The following ATP10B variants were observed in gnomAD, a reference collection of about 807,000 sequenced individuals.
ATP10B encodes ATPase phospholipid transporting 10B (putative).
ATP10B carries 122 observed loss-of-function variants against 141.2 expected under a neutral mutation model. That is an observed-to-expected ratio of 0.86 (90% CI 0.75 to 1.00). The LOEUF is 1.00. Among genes scored for constraint, ATP10B ranks in the 50% least tolerant of loss-of-function variants. The probability of loss-of-function intolerance (pLI) is 0.00; values close to 1 mark genes in which losing one functional copy is unlikely to be tolerated. For missense variants in ATP10B, 1,876 were observed against 1,825.3 expected, an observed-to-expected ratio of 1.03 and a Z score of -0.51; for synonymous variants, 685 against 692.0, an observed-to-expected ratio of 0.99 and a Z score of 0.16.
intron 10 of ATP10B, among the ~76,000 whole-genome samples, chr5:160,636,793 T>TACCCATCTACTCACCCGTCCATCC (rs1252730961): frequency 2.7e-5 from 4 of 149,210 alleles, no homozygotes; most frequent in African/African-American, 1.0e-4. Context: ...TCCATCCACC[T>TACCCATCTACTCACCCGTCCATCC]ACCCATCTAC....
chr5:160,650,995 T>C (rs986504086), intron 7 of ATP10B, among the ~76,000 whole-genome samples: 8 of 152,204 alleles, frequency 5.3e-5, no homozygotes, highest in Non-Finnish European at 1.0e-4. Context: ...TTTGTTTTGC[T>C]GTTATAAAAA....
At chr5:160,806,954 T>TGCAA (rs1354895805) in intron 1 of ATP10B, among the ~76,000 whole-genome samples, 2 of 152,032 alleles carry the variant, frequency 1.3e-5, no homozygotes, top group Non-Finnish European at 2.9e-5. Flanking sequence ...GTCAACAGAG[T>TGCAA]GCAAATGAAA....
intron 3 of ATP10B, among the ~76,000 whole-genome samples, chr5:160,692,273 T>G (rs892194108): frequency 6.6e-6 from 1 of 152,212 alleles, no homozygotes; most frequent in South Asian, 2.1e-4. Flanking sequence ...AATATTTATA[T>G]AGTTTCAAAG....
intron 2 of ATP10B, among the ~76,000 whole-genome samples, chr5:160,775,698 T>TTTTTA: frequency 6.7e-6 from 1 of 149,462 alleles, no homozygotes. Flanking sequence ...TTTTTTTTTT[T>TTTTTA]GAGATGGAGT....
intron 2 of ATP10B, among the ~76,000 whole-genome samples, chr5:160,729,700 G>T (rs951884032): frequency 1.3e-5 from 2 of 152,294 alleles, no homozygotes; most frequent in East Asian, 3.9e-4. Context: ...GTCTTTCCAA[G>T]AGGAGAAAAT....
intron 15 of ATP10B, among the ~76,000 whole-genome samples, chr5:160,618,665 T>C (rs1391252910): frequency 6.6e-6 from 1 of 152,214 alleles, no homozygotes; most frequent in East Asian, 1.9e-4. Context: ...CTGTCAGAGG[T>C]AATTTGTCTT....
chr5:160,752,534 T>C (rs1768228974), intron 2 of ATP10B, among the ~76,000 whole-genome samples: 1 of 152,236 alleles, frequency 6.6e-6, no homozygotes, highest in Admixed American at 6.5e-5. Context: ...GACACCATTT[T>C]ATCTTTTTGG....
At chr5:160,786,767 C>G (rs11135122) in intron 1 of ATP10B, among the ~76,000 whole-genome samples, 18,007 of 152,128 alleles carry the variant, frequency 0.12, 1,138 homozygotes, top group East Asian at 0.13. Flanking sequence ...TGCACACACA[C>G]ATACTCTATA....
At chr5:160,610,511 G>T (rs1158355110) in intron 18 of ATP10B, among the ~76,000 whole-genome samples, 2 of 152,100 alleles carry the variant, frequency 1.3e-5, no homozygotes, top group African/African-American at 2.4e-5. Flanking sequence ...GAAACCATAA[G>T]ATAATAAATG....
At chr5:160,737,249 T>G (rs1364886653) in intron 2 of ATP10B, among the ~76,000 whole-genome samples, 1 of 152,186 alleles carries the variant, frequency 6.6e-6, no homozygotes, top group South Asian at 2.1e-4. Context: ...AGAGGGAACA[T>G]ACCTCAACAT....
chr5:160,919,955 A>G, the ATP10B span, among the ~76,000 whole-genome samples: 1 of 152,220 alleles, frequency 6.6e-6, no homozygotes, highest in Admixed American at 6.5e-5. Context: ...ATTTGGTAAG[A>G]GACAGCAGAG....
chr5:160,795,794 C>T (rs1364357397), intron 1 of ATP10B, among the ~76,000 whole-genome samples: 1 of 151,996 alleles, frequency 6.6e-6, no homozygotes, highest in East Asian at 1.9e-4. Context: ...TGCCAGCAGC[C>T]ACCAGAAGCT....
chr5:160,700,382 T>C (rs1561768172), intron 3 of ATP10B, among the ~76,000 whole-genome samples: 1 of 152,220 alleles, frequency 6.6e-6, no homozygotes, highest in Non-Finnish European at 1.5e-5. Context: ...AAGACCCATA[T>C]ACATCTCTAG....
At chr5:160,662,894 C>T (rs1260766242) in intron 7 of ATP10B, among the ~76,000 whole-genome samples, 2 of 152,032 alleles carry the variant, frequency 1.3e-5, no homozygotes, top group Non-Finnish European at 2.9e-5. Flanking sequence ...TGCAATCTAC[C>T]CATCTGACAA....
rs566377294 is a variant in ATP10B, at chr5:160,828,474, C to A, written c.-576+23467G>T. Among the ~76,000 whole-genome samples the A allele has an allele frequency of 4.7e-3, 697 of 148,542 alleles. 9 individuals are homozygous for A. Among genetic ancestry groups the A allele is most frequent in the African/African-American group, 0.017 (659 of 38,046 alleles). ...TAAAAAAATGCTCATCATCACTAGC[C>A]ATCAGAGAAATGCAAATCAAAACCA... On this transcript the variant is annotated intron_variant, in intron 1 of 25. Transcript: ENST00000327245.
At position 160,607,007 on chromosome 5, in the gene ATP10B, A is replaced by G. The variant is rs1757431306; in HGVS notation, c.2918T>C (p.Leu973Pro). Reference sequence around the variant, plus strand: ...CTTGGAAGGTAAGCGGAATCCAAAGAGCTTGCGGTCTGGCTTCTGTAGTTC... The same window carrying G: ...CTTGGAAGGTAAGCGGAATCCAAAGGGCTTGCGGTCTGGCTTCTGTAGTTC... Reference protein sequence around the residue: ...FRELQKPDRKLFGFRLPSKTP... With the variant: ...FRELQKPDRKPFGFRLPSKTP... The change falls in exon 19 of 26, where the codon CTC becomes CCC. Residue 973 changes from leucine (L) to proline (P), a missense_variant. Physicochemically the swap from Leu to Pro is moderately conservative, Grantham distance 98. Transcript: ENST00000327245. 6.2e-7 allele frequency: 1 copy of G among 1,614,152 alleles called. No individual in the cohort carries two copies. The highest frequency in any genetic ancestry group is 8.5e-7 in the Non-Finnish European group (1 of 1,180,014).
At chr5:160,660,690 C>T (rs1394292605) in intron 7 of ATP10B, among the ~76,000 whole-genome samples, 1 of 152,120 alleles carries the variant, frequency 6.6e-6, no homozygotes, top group Non-Finnish European at 1.5e-5. Context: ...TGACTATTAA[C>T]AGTGAAAAAA....
chr5:160,807,459 A>C (rs1772858049), intron 1 of ATP10B, among the ~76,000 whole-genome samples: 1 of 152,222 alleles, frequency 6.6e-6, no homozygotes, highest in African/African-American at 2.4e-5. Context: ...AGGATACCTT[A>C]TCAGAGATGT....
intron 11 of ATP10B, 81 bp downstream of exon 11, chr5:160,636,101 C>A (rs2127668327): frequency 6.9e-7 from 1 of 1,457,900 alleles, no homozygotes; most frequent in Non-Finnish European, 9.2e-7. Context: ...GTGGCCAGCA[C>A]TGTTTTTTCT....
Sources: gnomAD v4.1 joint callset for allele counts (sites outside exome capture counted in the v4.1 genomes callset) on GRCh38, gnomAD v4.1.1 for gene constraint, MANE v1.5 for transcripts, NCBI Gene and HGNC (gene_info 2026-07-23, HGNC 2026-07-21) for gene names.